The following ABCA10 variants were observed in gnomAD, a reference collection of about 807,000 sequenced individuals.
The protein encoded by ABCA10 is ATP binding cassette subfamily A member 10, also known as ATP-binding cassette sub-family A member 10.
In ABCA10, 169 loss-of-function variants were observed where a neutral mutation model predicts 187.5. The ratio of observed to expected loss-of-function variants is 0.90; its 90% CI spans 0.80 to 1.02. The LOEUF is 1.02. Among genes scored for constraint, ABCA10 ranks in the 50% least tolerant of loss-of-function variants. The pLI is 0.00. For synonymous variants in ABCA10, 574 were observed against 601.8 expected, an observed-to-expected ratio of 0.95 and a Z score of 0.68; for missense variants, 1,727 against 1,812.4, an observed-to-expected ratio of 0.95 and a Z score of 0.86.
chr17:69,154,811 A>G (rs995618592), intron 30 of ABCA10, among the ~76,000 whole-genome samples: 3 of 152,178 alleles, frequency 2.0e-5, no homozygotes, highest in African/African-American at 7.2e-5. Flanking sequence ...GGTCTTCTTA[A>G]TCCAAGACTG....
At chr17:69,164,202 T>A (rs746746775) in intron 26 of ABCA10, 48 bp from the exon 27 acceptor site, 20 of 1,477,516 alleles carry the variant, frequency 1.4e-5, no homozygotes, top group Non-Finnish European at 1.7e-5. Context: ...TCTATAAATA[T>A]AAAATTTACA....
intron 9 of ABCA10, among the ~76,000 whole-genome samples, chr17:69,212,274 G>A (rs985957593): frequency 2.6e-5 from 4 of 152,060 alleles, no homozygotes; most frequent in East Asian, 1.9e-4. Flanking sequence ...ATTTCTGTGT[G>A]TTTGCATGGT....
chr17:69,175,848 A>G (rs2074330793), intron 22 of ABCA10: 1 of 177,866 alleles, frequency 5.6e-6, no homozygotes, highest in Admixed American at 6.0e-5. Context: ...GATAACTGAA[A>G]TGGCTACTAA....
chr17:69,216,190 A>G (rs745603279), intron 7 of ABCA10, 27 bp downstream of exon 7: 1 of 1,597,688 alleles, frequency 6.3e-7, no homozygotes, highest in Non-Finnish European at 8.5e-7. Flanking sequence ...AAACAGGTTA[A>G]GAGGTAATAT....
intron 22 of ABCA10, among the ~76,000 whole-genome samples, chr17:69,179,951 A>G (rs1273765934): frequency 1.3e-5 from 2 of 152,192 alleles, no homozygotes; most frequent in African/African-American, 4.8e-5. Context: ...CCTTTAAATC[A>G]TATTACTTAA....
chr17:69,187,583 C>T, intron 19 of ABCA10, 98 bp downstream of exon 19: 2 of 1,291,830 alleles, frequency 1.5e-6, no homozygotes, highest in Non-Finnish European at 2.1e-6. Flanking sequence ...TACAAAAAAA[C>T]TGTTAAATGA....
chr17:69,213,412 T>TTGGGGGGG (rs2074675582), intron 9 of ABCA10, among the ~76,000 whole-genome samples: 3 of 126,694 alleles, frequency 2.4e-5, no homozygotes, highest in Non-Finnish European at 3.4e-5. Context: ...GGTTTGCGGG[T>TTGGGGGGG]GGGGGGAGGG....
rs1426752619 is a variant in ABCA10, at chr17:69,174,366, G to T, written c.3077C>A (p.Ser1026Tyr). 1 of 1,598,598 alleles carries T rather than the reference G, an allele frequency of 6.3e-7. No homozygotes were observed. The highest frequency in any genetic ancestry group is 8.5e-7 in the Non-Finnish European group (1 of 1,175,864). The change falls in exon 25 of 39, where the codon TCT becomes TAT. Residue 1026 changes from serine to tyrosine, a missense_variant. Coordinates refer to ENST00000690296, the MANE Select transcript of ABCA10 (RefSeq NM_001377321.1). ...AAGCACATATGTGAGGAATATAAGA[G>T]AAACTGCACAACCAATTATGCATAC... ...LVVCIIGCAVSLIFLTYVLSF... is the reference protein window; with the variant it reads ...LVVCIIGCAVYLIFLTYVLSF...
chr17:69,194,735 T>C (rs2144807292), intron 11 of ABCA10, among the ~76,000 whole-genome samples: 1 of 152,316 alleles, frequency 6.6e-6, no homozygotes, highest in South Asian at 2.1e-4. Flanking sequence ...CTTCAAATCC[T>C]TTGAATGTCA....
chr17:69,194,224 C>T (rs377063624), intron 12 of ABCA10, among the ~76,000 whole-genome samples, 161 bp downstream of exon 12: 43 of 152,250 alleles, frequency 2.8e-4, no homozygotes, highest in African/African-American at 1.0e-3. Context: ...AATAGAGATA[C>T]AAATGTTTTC....
chr17:69,155,060 T>C lies in ABCA10; in HGVS notation c.3653A>G (p.Lys1218Arg). 6.2e-7 allele frequency: 1 copy of C among 1,611,590 alleles called. No homozygotes were observed. The highest frequency in any genetic ancestry group is 1.7e-4 in the Middle Eastern group (1 of 6,050). ...GGAAACATTTCTGATGGCTATTTTCTTCTTTCTTGTTGAAAAGCAACTTTT... is the reference window on the plus strand; with the variant it reads ...GGAAACATTTCTGATGGCTATTTTCCTCTTTCTTGTTGAAAAGCAACTTTT... ...TKKSCFSTRK[K>R]KIAIRNVSFC... Residue 1218 changes from lysine to arginine, a missense_variant, in exon 30 of 39, where the codon AAG (lysine) becomes AGG (arginine). By Grantham distance (26) the Lys-to-Arg change is conservative. Coordinates refer to ENST00000690296, the MANE Select transcript of ABCA10 (RefSeq NM_001377321.1).
At chr17:69,154,034 T>A (rs769183262) in intron 31 of ABCA10, 25 bp from the exon 32 acceptor site, 55 of 1,606,260 alleles carry the variant, frequency 3.4e-5, no homozygotes, top group Non-Finnish European at 4.5e-5. Context: ...GAATGTCAGA[T>A]TCACCTTTGG....
intron 11 of ABCA10, among the ~76,000 whole-genome samples, chr17:69,195,212 A>G (rs1432433690): frequency 3.3e-5 from 5 of 152,210 alleles, no homozygotes; most frequent in Non-Finnish European, 7.3e-5. Flanking sequence ...AGATTGTCAG[A>G]GCGTCAAAAA....
At chr17:69,185,671 T>G (rs113691084) in intron 19 of ABCA10, 28 bp from the exon 20 acceptor site, 2 of 1,528,996 alleles carry the variant, frequency 1.3e-6, no homozygotes, top group African/African-American at 1.4e-5. Flanking sequence ...ATAACATGAG[T>G]CTGAAGCAAT....
chr17:69,198,094 T>C (rs1380690445), intron 10 of ABCA10, among the ~76,000 whole-genome samples: 2 of 152,152 alleles, frequency 1.3e-5, no homozygotes, highest in Non-Finnish European at 2.9e-5. Context: ...TAACTCTCTC[T>C]CTCTCCCTTT....
rs57227408 is a variant in ABCA10 at position 69,210,847 on chromosome 17, C to CATATATAT, written c.1006+3849_1006+3856dup. ...ATATATATGCCACATATTTATGCCA[C>CATATATAT]ATATATATATATATATATGCCATAT... On this transcript the variant is annotated intron_variant, in intron 9 of 38. Coordinates refer to ENST00000690296, the MANE Select transcript of ABCA10 (RefSeq NM_001377321.1). Among the ~76,000 whole-genome samples, 65 of 37,890 alleles carry CATATATAT rather than the reference C, an allele frequency of 1.7e-3. 2 individuals carry two copies. Among genetic ancestry groups the CATATATAT allele is most frequent in the Admixed American group, 0.01 (37 of 3,538 alleles). The allele number at this position is 37,890 out of a possible 152,430, so 24.9% of individuals were successfully genotyped here. A position where few individuals can be genotyped will look rare whatever the true frequency, so the allele number is the denominator to read the frequency against.
chr17:69,243,349 A>G (rs1289651815), intron 1 of ABCA10, among the ~76,000 whole-genome samples: 1 of 152,238 alleles, frequency 6.6e-6, no homozygotes, highest in Non-Finnish European at 1.5e-5. Flanking sequence ...TCTAGGCTAT[A>G]TGATACAGCC....
chr17:69,192,649 CCTAT>C lies in ABCA10; in HGVS notation c.1781_1784del (p.Asp594GlyfsTer10). 1 of 1,611,860 alleles carries C rather than the reference CCTAT, an allele frequency of 6.2e-7. No individual in the cohort carries two copies. Among genetic ancestry groups the C allele is most frequent in the African/African-American group, 1.3e-5 (1 of 74,962 alleles). ...ACTTCCCATTAGACAGAAATACTTT[CCTAT>C]CTGAGTAGAAAGGAAGATTCAAAAA... On this transcript the variant is annotated frameshift_variant and splice_region_variant, in exon 16 of 39. Coordinates refer to ENST00000690296, the MANE Select transcript of ABCA10 (RefSeq NM_001377321.1).
Position 69,191,222 on chromosome 17 carries a change from T to G in ABCA10, c.1965A>C (p.Glu655Asp). ...PDAKLTTESE[E>D]KLVYSLPLEK... ...CCAAAGGCAAACTATATACAAGTTT[T>G]TCTTCACTTTCTGTTGTTAACTTGG... The change falls in exon 17 of 39, where the codon GAA becomes GAC. Residue 655 changes from glutamate (E) to aspartate (D), a missense_variant. Coordinates refer to ENST00000690296, the MANE Select transcript of ABCA10 (RefSeq NM_001377321.1). The G allele has an allele frequency of 6.2e-7, 1 of 1,603,554 alleles. No homozygotes were observed. Among genetic ancestry groups the G allele is most frequent in the Non-Finnish European group, 8.5e-7 (1 of 1,174,262 alleles).
Sources: gnomAD v4.1 joint callset for allele counts (sites outside exome capture counted in the v4.1 genomes callset) on GRCh38, gnomAD v4.1.1 for gene constraint, MANE v1.5 for transcripts, NCBI Gene and HGNC (gene_info 2026-07-23, HGNC 2026-07-21) for gene names.